METTL9: variants seen among roughly 807,000 people sequenced by gnomAD.
The protein encoded by METTL9 is methyltransferase 9, His-X-His N1(pi)-histidine.
METTL9 carries 10 observed loss-of-function variants against 36.0 expected under a neutral mutation model. The ratio of observed to expected loss-of-function variants is 0.28; its 90% CI spans 0.17 to 0.47. The LOEUF (loss-of-function observed/expected upper bound fraction) is 0.47. METTL9 is among the 20% of genes least tolerant of loss of function. The pLI is 0.99. For synonymous variants in METTL9, 175 were observed against 149.7 expected (o/e 1.17, Z -1.23); for missense variants, 246 against 383.5 (o/e 0.64, Z 3.00).
chr16:21,635,949 G>A (rs1435834426), intron 4 of METTL9, among the ~76,000 whole-genome samples: 2 of 151,976 alleles, frequency 1.3e-5, no homozygotes, highest in South Asian at 2.1e-4. Context: ...ACGCATTCTC[G>A]AAAACCTGCA....
At chr16:21,628,355 T>C (rs1386880187) in intron 4 of METTL9, among the ~76,000 whole-genome samples, 2 of 152,208 alleles carry the variant, frequency 1.3e-5, no homozygotes, top group East Asian at 3.8e-4. Context: ...CATTTTCTTC[T>C]CCAAGCTGGT....
At chr16:21,601,627 G>A (rs1457263086) in intron 1 of METTL9, among the ~76,000 whole-genome samples, 1 of 152,106 alleles carries the variant, frequency 6.6e-6, no homozygotes, top group Non-Finnish European at 1.5e-5. Flanking sequence ...TCCCAGCAGA[G>A]GATACTTTCT....
chr16:21,610,579 G>A (rs1308152947), intron 1 of METTL9, among the ~76,000 whole-genome samples: 1 of 152,208 alleles, frequency 6.6e-6, no homozygotes, highest in Non-Finnish European at 1.5e-5. Context: ...AGAAAGACCT[G>A]TGTGACAGTA....
intron 1 of METTL9, among the ~76,000 whole-genome samples, chr16:21,611,207 C>G (rs997173787): frequency 6.6e-6 from 1 of 152,064 alleles, no homozygotes; most frequent in East Asian, 1.9e-4. Context: ...TTTGGTTTAC[C>G]CAGTTTAGGG....
intron 1 of METTL9, among the ~76,000 whole-genome samples, chr16:21,603,888 A>T (rs1055835269): frequency 3.3e-5 from 5 of 152,154 alleles, no homozygotes; most frequent in African/African-American, 1.2e-4. Flanking sequence ...TTATTTTTTC[A>T]CTTTCTTATA....
At chr16:21,647,174 C>T (rs1257919056) in intron 4 of METTL9, 14 of 1,614,130 alleles carry the variant, frequency 8.7e-6, no homozygotes, top group African/African-American at 1.3e-5. Context: ...CTGTTTAGCT[C>T]TCGCTTCCGG....
At chr16:21,622,848 CTGA>C (rs1307107189) in intron 3 of METTL9, among the ~76,000 whole-genome samples, 1 of 152,170 alleles carries the variant, frequency 6.6e-6, no homozygotes, top group Non-Finnish European at 1.5e-5. Flanking sequence ...TTAGAACATG[CTGA>C]TGATGTTTGG....
intron 4 of METTL9, among the ~76,000 whole-genome samples, chr16:21,636,705 C>G (rs1966103763): frequency 6.6e-6 from 1 of 152,186 alleles, no homozygotes; most frequent in African/African-American, 2.4e-5. Context: ...AACCACCGCT[C>G]CCAACTCTGA....
chr16:21,607,018 G>A (rs1965308404), intron 1 of METTL9, among the ~76,000 whole-genome samples: 1 of 151,942 alleles, frequency 6.6e-6, no homozygotes, highest in Non-Finnish European at 1.5e-5. Flanking sequence ...TACTTTGAAC[G>A]AGTGATTCAT....
chr16:21,632,715 A>C (rs1965993474), intron 4 of METTL9, among the ~76,000 whole-genome samples: 1 of 152,104 alleles, frequency 6.6e-6, no homozygotes, highest in Non-Finnish European at 1.5e-5. Flanking sequence ...CCAGACAGTG[A>C]GATCCTTTCC....
intron 4 of METTL9, among the ~76,000 whole-genome samples, chr16:21,635,667 C>T (rs750052002): frequency 1.1e-4 from 17 of 152,096 alleles, no homozygotes; most frequent in African/African-American, 1.9e-4. Context: ...AAAAATGAGC[C>T]GCTTCTTTTT....
At chr16:21,608,207 C>T (rs1965341822) in intron 1 of METTL9, among the ~76,000 whole-genome samples, 1 of 152,122 alleles carries the variant, frequency 6.6e-6, no homozygotes, top group Non-Finnish European at 1.5e-5. Flanking sequence ...ACAAGCCACC[C>T]AGTGCTGCGA....
In METTL9 at chr16:21,639,544, A is replaced by T. The variant is rs557725775; in HGVS notation, c.751+14429A>T. On this transcript the variant is annotated intron_variant, in intron 4 of 4. Transcript: ENST00000358154. Reference sequence around the variant, plus strand: ...GGAAGTACACACTGCAGAGTACACAAGACAGTTTATTTTGGAATATGGCAG... The same window carrying T: ...GGAAGTACACACTGCAGAGTACACATGACAGTTTATTTTGGAATATGGCAG... 2.6e-5 allele frequency: 4 copies of T among 152,352 alleles called. No individual in the cohort carries two copies. In the East Asian group the frequency reaches 7.7e-4, roughly 29 times the overall value. 9.4% of individuals were successfully genotyped at this position (152,352 alleles called of 1,614,324 possible). A position where few individuals can be genotyped will look rare whatever the true frequency, so the allele number is the denominator to read the frequency against.
chr16:21,648,549 C>A (rs568128525), intron 4 of METTL9, among the ~76,000 whole-genome samples: 1 of 152,322 alleles, frequency 6.6e-6, no homozygotes, highest in South Asian at 2.1e-4. Context: ...GTCACCCACT[C>A]CAGTGTACTG....
chr16:21,637,607 G>A (rs916624801), intron 4 of METTL9, among the ~76,000 whole-genome samples: 26 of 152,254 alleles, frequency 1.7e-4, no homozygotes, highest in African/African-American at 6.3e-4. Flanking sequence ...GCAGCCCAGA[G>A]GGAGCTTGTC....
chr16:21,619,036 G>A lies in METTL9; in HGVS notation c.566+962G>A, dbSNP rs78294966. On this transcript the variant is annotated intron_variant, in intron 3 of 4. Coordinates refer to ENST00000358154, the MANE Select transcript of METTL9 (RefSeq NM_016025.5). ...AAGGATGAATGATAATTCGCTGTATGCATGTACCACATTTTGTTTACCCAT... is the reference window on the plus strand; with the variant it reads ...AAGGATGAATGATAATTCGCTGTATACATGTACCACATTTTGTTTACCCAT... 6.6e-5 allele frequency among the ~76,000 whole-genome samples: 10 copies of A among 152,250 alleles called. No individual in the cohort carries two copies. In the East Asian group the frequency reaches 1.5e-3, roughly 24 times the overall value.
At chr16:21,612,620 GTTC>G in intron 1 of METTL9, 22 bp from the exon 2 acceptor site, 1 of 1,319,816 alleles carries the variant, frequency 7.6e-7, no homozygotes, top group Non-Finnish European at 1.0e-6. Flanking sequence ...TTTAATTTTT[GTTC>G]TTTTTTTTTT....
chr16:21,646,907 C>A (rs970625693), intron 4 of METTL9: 10 of 546,296 alleles, frequency 1.8e-5, no homozygotes, highest in Admixed American at 1.4e-4. Flanking sequence ...TCGTCCACCT[C>A]AGCCTCAAAG....
At chr16:21,600,700 C>T (rs185793467) in intron 1 of METTL9, among the ~76,000 whole-genome samples, 1 of 152,288 alleles carries the variant, frequency 6.6e-6, no homozygotes, top group East Asian at 1.9e-4. Context: ...TCTTGCGCCA[C>T]TTAAACGTGT....
Sources: allele counts gnomAD v4.1 joint callset (sites outside exome capture counted in the v4.1 genomes callset), GRCh38; gene constraint gnomAD v4.1.1; transcripts MANE v1.5; gene names NCBI Gene and HGNC (gene_info 2026-07-23, HGNC 2026-07-21).